MACF1: variants seen among roughly 807,000 people sequenced by gnomAD.
MACF1 encodes microtubule-actin cross-linking factor 1.
Under a neutral mutation model 854.8 loss-of-function variants are expected in MACF1, and 193 were observed. The ratio of observed to expected loss-of-function variants is 0.23; its 90% confidence interval spans 0.20 to 0.25. The LOEUF is 0.25. Ranked by LOEUF, MACF1 falls within the 10% of genes least tolerant of loss-of-function variation. The pLI, the probability that MACF1 is intolerant of heterozygous loss-of-function variation, is 1.00. For missense variants in MACF1, 7,722 were observed against 8,929.1 expected (o/e 0.86, Z 5.45); for synonymous variants, 3,185 against 3,226.7 (o/e 0.99, Z 0.44).
Position 39,332,590 on chromosome 1 carries a change from G to A in MACF1, c.6002G>A (p.Ser2001Asn), listed in dbSNP as rs1193842891. 1 of 1,614,134 alleles carries A rather than the reference G, an allele frequency of 6.2e-7. No homozygotes were observed. Among genetic ancestry groups the A allele is most frequent in the Non-Finnish European group, 8.5e-7 (1 of 1,180,010 alleles). The change falls in exon 37 of 101, where the codon AGT (serine) becomes AAT (asparagine). Residue 2001 changes from serine (S) to asparagine (N), a missense_variant. Around this residue, in one of 15 missense-constraint regions of MACF1, gnomAD observed 1,531 missense variants for 1,601.6 expected, o/e 0.96. Coordinates refer to ENST00000564288, the MANE Select transcript of MACF1 (RefSeq NM_001394062.1). ...ACATCCAGAGATGAGTATCAAACAAGTCCTCCAAAAGTGGTTGAAATTGGG... is the reference window on the plus strand; with the variant it reads ...ACATCCAGAGATGAGTATCAAACAAATCCTCCAAAAGTGGTTGAAATTGGG... Reference protein sequence around the residue: ...TLTSRDEYQTSPPKVVEIGHQ... With the variant: ...TLTSRDEYQTNPPKVVEIGHQ...
Position 39,441,979 on chromosome 1 carries a change from G to C in MACF1, c.18700G>C (p.Val6234Leu). Residue 6234 changes from valine (V) to leucine (L), a missense_variant, in exon 75 of 101, where the codon GTG (valine) becomes CTG (leucine). Coordinates refer to ENST00000564288, the MANE Select transcript of MACF1 (RefSeq NM_001394062.1). ...QAMFDWLDNT[V>L]IKLCTMPPVG... is the part of the protein sequence containing the mutation. ...TATGTTTGACTGGCTAGATAACACT[G>C]TGATTAAACTCTGCACCATGCCCCC... 1 of 1,613,958 alleles carries C rather than the reference G, an allele frequency of 6.2e-7. No individual in the cohort carries two copies. The highest frequency in any genetic ancestry group is 1.1e-5 in the South Asian group (1 of 91,026).
chr1:39,095,271 G>C (rs1210467830), intron 2 of MACF1, among the ~76,000 whole-genome samples: 4 of 151,924 alleles, frequency 2.6e-5, no homozygotes, highest in Non-Finnish European at 5.9e-5. Context: ...TCAGAAATGT[G>C]GGGGAAGGCG....
chr1:39,410,564 A>G (rs756748140), intron 58 of MACF1: 13 of 1,614,048 alleles, frequency 8.1e-6, no homozygotes, highest in Middle Eastern at 1.6e-4. Flanking sequence ...ATAATATTTG[A>G]TGCACTAAAG....
rs1646772210 is a variant in MACF1, at chr1:39,334,093, T to C, written c.7505T>C (p.Val2502Ala). Residue 2502 changes from valine (V) to alanine (A), a missense_variant, in exon 37 of 101, where the codon GTG becomes GCG. Val to Ala is a moderately conservative substitution (Grantham distance 64). Coordinates refer to ENST00000564288, the MANE Select transcript of MACF1 (RefSeq NM_001394062.1). ...EEAVRLLTKQ[V>A]VDGGIIHHIS... ...GCCGTTCGTTTGTTGACTAAGCAAG[T>C]GGTAGATGGAGGTATCATTCACCAT... The C allele has an allele frequency of 1.9e-6, 3 of 1,614,162 alleles. No individual in the cohort carries two copies. The highest frequency in any genetic ancestry group is 2.5e-6 in the Non-Finnish European group (3 of 1,180,012).
intron 49 of MACF1, among the ~76,000 whole-genome samples, chr1:39,363,210 T>G (rs1022679037): frequency 2.6e-5 from 4 of 152,198 alleles, no homozygotes; most frequent in African/African-American, 4.8e-5. Context: ...CTACCTTTGT[T>G]GATTAAACTT....
intron 58 of MACF1, chr1:39,412,323 T>C: frequency 6.2e-7 from 1 of 1,613,996 alleles, no homozygotes; most frequent in Non-Finnish European, 8.5e-7. Flanking sequence ...ATTTGGAAAG[T>C]GGGAATGTAA....
At chr1:39,355,965 T>C (rs1316902018) in intron 44 of MACF1, among the ~76,000 whole-genome samples, 1 of 152,166 alleles carries the variant, frequency 6.6e-6, no homozygotes, top group African/African-American at 2.4e-5. Flanking sequence ...TCCTAGTCAC[T>C]CAGCTTTCTT....
At position 39,437,692 on chromosome 1, in the gene MACF1, A is replaced by G. The variant is rs1305285282; in HGVS notation, c.17989-85A>G. ...ACAGGTTATCCTAAACAGTAGTAGG[A>G]TAATATCTTGTCCTTATTCCCTAAC... On this transcript the variant is annotated intron_variant, in intron 70 of 100. Transcript: ENST00000564288. 4 of 1,045,698 alleles carry G rather than the reference A, an allele frequency of 3.8e-6. No homozygotes were observed. In the African/African-American group the frequency reaches 6.2e-5, roughly 16 times the overall value. 64.8% of individuals were successfully genotyped at this position (1,045,698 alleles called of 1,614,324 possible).
Position 39,340,814 on chromosome 1 carries a change from TA to T in MACF1, c.10445del (p.Asn3482IlefsTer6), listed in dbSNP as rs779545775. On this transcript the variant is annotated frameshift_variant, in exon 40 of 101. Transcript: ENST00000564288. LOFTEE classifies it high-confidence loss of function. ...CCATTTATTTCTTAGACTAAAGTGT[TA>T]AATCAGCACACACAGCTAGAAGGCC... ...NAVEIEKTKV[L>X]NQHTQLEGRL... 1 of 1,613,062 alleles carries T rather than the reference TA, an allele frequency of 6.2e-7. No individual in the cohort carries two copies. The highest frequency in any genetic ancestry group is 1.3e-5 in the African/African-American group (1 of 74,922).
At chr1:39,130,955 C>T (rs1014331529) in intron 2 of MACF1, among the ~76,000 whole-genome samples, 4 of 151,604 alleles carry the variant, frequency 2.6e-5, no homozygotes, top group African/African-American at 9.7e-5. Context: ...AATTCTCCTG[C>T]CTCAGCCTCC....
intron 6 of MACF1, chr1:39,268,574 G>A: frequency 8.5e-7 from 1 of 1,180,018 alleles, no homozygotes; most frequent in Non-Finnish European, 1.1e-6. Context: ...AAGAATTGGA[G>A]GGATTGCCGG....
At chr1:39,354,167 T>C (rs1449501529) in intron 44 of MACF1, among the ~76,000 whole-genome samples, 2 of 152,212 alleles carry the variant, frequency 1.3e-5, no homozygotes, top group Non-Finnish European at 2.9e-5. Flanking sequence ...TTGATTCCTT[T>C]CAGTTTATTG....
At position 39,333,915 on chromosome 1, in the gene MACF1, G is replaced by A. The variant is rs759715366; in HGVS notation, c.7327G>A (p.Glu2443Lys). The change falls in exon 37 of 101, where the codon GAG becomes AAG. Residue 2443 changes from glutamate to lysine, a missense_variant. This residue lies in a region of MACF1 where 1,531 missense variants were observed against 1,601.6 expected (regional missense o/e 0.96). Transcript: ENST00000564288. ...TGACCAGCCAGAACTTATAAATCTG[G>A]AGAAAGCTTCCAAAGGTAGAGATGC... ...VADQPELINL[E>K]KASKGRDAEK... The A allele has an allele frequency of 1.2e-6, 2 of 1,614,170 alleles. No homozygotes were observed. The highest frequency in any genetic ancestry group is 2.2e-5 in the South Asian group (2 of 91,086).
chr1:39,192,101 A>T (rs1644261287), intron 2 of MACF1, among the ~76,000 whole-genome samples: 1 of 152,110 alleles, frequency 6.6e-6, no homozygotes, highest in Non-Finnish European at 1.5e-5. Flanking sequence ...CAGTGAGCCG[A>T]TATCTCACCA....
At chr1:39,087,544 T>C (rs1240615340) in intron 2 of MACF1, among the ~76,000 whole-genome samples, 2 of 152,232 alleles carry the variant, frequency 1.3e-5, no homozygotes, top group Non-Finnish European at 2.9e-5. Flanking sequence ...TCCTTCTTCT[T>C]TGCCAGCCAT....
intron 1 of MACF1, among the ~76,000 whole-genome samples, chr1:39,221,003 C>G (rs1199259321): frequency 1.3e-5 from 2 of 152,102 alleles, no homozygotes; most frequent in Admixed American, 1.3e-4. Context: ...AAAGGAGGTT[C>G]TAAGTTAGAC....
chr1:39,441,217 C>G lies in MACF1; in HGVS notation c.18571-7C>G. The G allele has an allele frequency of 6.2e-7, 1 of 1,613,784 alleles. No homozygotes were observed. Among genetic ancestry groups the G allele is most frequent in the Non-Finnish European group, 8.5e-7 (1 of 1,179,756 alleles). On this transcript the variant is annotated splice_region_variant and splice_polypyrimidine_tract_variant and intron_variant, in intron 73 of 100. Transcript: ENST00000564288. ...TTGAAGAATCTGATTGAATGTTTTT[C>G]CCCTAGATGAATAATGCTTGGGAGA...
chr1:39,161,813 G>A (rs1276141687), intron 2 of MACF1, among the ~76,000 whole-genome samples: 1 of 151,922 alleles, frequency 6.6e-6, no homozygotes, highest in Non-Finnish European at 1.5e-5. Flanking sequence ...CTTGCAGTGA[G>A]CAGAGATCGT....
At chr1:39,382,681 C>CAA (rs764349970) in intron 56 of MACF1, among the ~76,000 whole-genome samples, 11 of 134,156 alleles carry the variant, frequency 8.2e-5, no homozygotes, top group African/African-American at 2.9e-4. Context: ...GACTCCGTCT[C>CAA]AAAAAAAAAA....
Sources: allele counts gnomAD v4.1 joint callset (sites outside exome capture counted in the v4.1 genomes callset), GRCh38; gene constraint gnomAD v4.1.1; regional missense constraint gnomAD v4.1.1; transcripts MANE v1.5; gene names NCBI Gene and HGNC (gene_info 2026-07-23, HGNC 2026-07-21).